The following PEX1 variants were observed in gnomAD, a reference collection of about 807,000 sequenced individuals.
PEX1 encodes the protein peroxisomal biogenesis factor 1, also known as peroxisomal ATPase PEX1.
Under a neutral mutation model 152.5 loss-of-function variants are expected in PEX1, and 97 were observed. The ratio of observed to expected loss-of-function variants is 0.64; its 90% CI spans 0.54 to 0.75. PEX1 has a LOEUF of 0.75. PEX1 is among the 30% of genes least tolerant of loss of function. The pLI, the probability that PEX1 is intolerant of heterozygous loss-of-function variation, is 0.00. For synonymous variants in PEX1, 485 were observed against 531.6 expected (o/e 0.91, Z 1.21); for missense variants, 1,357 against 1,516.3 (o/e 0.89, Z 1.74).
At chr7:92,493,323 G>A in intron 19 of PEX1, 194 bp from the exon 20 acceptor site, 1 of 393,202 alleles carries the variant, frequency 2.5e-6, no homozygotes, top group Non-Finnish European at 4.4e-6. Flanking sequence ...AATATATATA[G>A]GAAAATGAAT....
chr7:92,488,403 G>A (rs1178091459), intron 23 of PEX1, among the ~76,000 whole-genome samples: 2 of 152,058 alleles, frequency 1.3e-5, no homozygotes. Context: ...GATAACAAAA[G>A]GTAGCAGCTT....
intron 20 of PEX1, 141 bp downstream of exon 20, chr7:92,492,812 A>G: frequency 1.4e-6 from 1 of 719,702 alleles, no homozygotes; most frequent in South Asian, 1.6e-5. Flanking sequence ...ACTATGGAAC[A>G]TTCAACTAAA....
Position 92,489,260 on chromosome 7 carries a change from A to G in PEX1, c.3767+33T>C, listed in dbSNP as rs375966274. On this transcript the variant is annotated intron_variant, in intron 23 of 23. Coordinates refer to ENST00000248633, the MANE Select transcript of PEX1 (RefSeq NM_000466.3). ...GTAATACTATGTCACTTGTAATAGT[A>G]GCTGTACTTCCAAAACAGAATCTGT... is the stretch of plus-strand genomic sequence containing the variant. 402 of 1,588,148 alleles carry G rather than the reference A, an allele frequency of 2.5e-4. 2 individuals are homozygous for G. The African/African-American group carries it at 4.7e-3, about 19-fold the overall frequency.
At chr7:92,528,285 T>G in intron 1 of PEX1, 22 bp downstream of exon 1, 1 of 1,549,480 alleles carries the variant, frequency 6.5e-7, no homozygotes, top group Non-Finnish European at 8.7e-7. Context: ...GAAGATCAGG[T>G]GGCTCGGGGC....
At chr7:92,504,925 G>T (rs1254240845) in intron 11 of PEX1, 23 bp from the exon 12 acceptor site, 9 of 1,574,466 alleles carry the variant, frequency 5.7e-6, no homozygotes, top group South Asian at 1.1e-5. Context: ...GATATGAAAT[G>T]GTTTCAGTAT....
intron 5 of PEX1, among the ~76,000 whole-genome samples, chr7:92,516,140 G>A (rs372230087): frequency 6.6e-6 from 1 of 151,266 alleles, no homozygotes; most frequent in African/African-American, 2.4e-5. Context: ...AAATGATGTA[G>A]GCCGGCCAGG....
chr7:92,489,555 C>T, intron 22 of PEX1, 132 bp from the exon 23 acceptor site: 1 of 1,043,752 alleles, frequency 9.6e-7, no homozygotes, highest in Non-Finnish European at 1.5e-6. Flanking sequence ...GATAATGAAA[C>T]ATTGAAAGCA....
intron 2 of PEX1, 124 bp downstream of exon 2, chr7:92,521,978 C>T: frequency 1.1e-6 from 1 of 917,694 alleles, no homozygotes; most frequent in South Asian, 1.4e-5. Context: ...AGACTAGTTA[C>T]ATAATAGCAT....
Position 92,487,427 on chromosome 7 carries a change from T to A in PEX1, c.*30A>T. ...CATATGGAAAAGCCATCAAAAAACT[T>A]AACAGAACCAAATCAAAAAGAAGTA... On this transcript the variant is annotated 3_prime_UTR_variant, in exon 24 of 24. Coordinates refer to ENST00000248633, the MANE Select transcript of PEX1 (RefSeq NM_000466.3). 1 of 1,250,744 alleles carries A rather than the reference T, an allele frequency of 8.0e-7. No homozygotes were observed. The allele number at this position is 1,250,744 out of a possible 1,614,324, so 77.5% of individuals were successfully genotyped here.
At position 92,504,897 on chromosome 7, in the gene PEX1, T is replaced by C; in HGVS notation, c.1906A>G (p.Arg636Gly). The change falls in exon 12 of 24, where the codon AGG becomes GGG. Residue 636 changes from arginine to glycine, a missense_variant. By Grantham distance (125) the Arg-to-Gly change is moderately radical (BLOSUM62 -2). Transcript: ENST00000248633. ...AGGGTTTTTTGTATGTTTTCAAGCC[T>C]TTTTCCTTAATACAGAAGATATGAA... ...RVDCKALRGK[R>G]LENIQKTLEV... is the part of the protein sequence containing the mutation. The C allele has an allele frequency of 6.2e-7, 1 of 1,607,458 alleles. No individual in the cohort carries two copies. The highest frequency in any genetic ancestry group is 1.7e-5 in the Admixed American group (1 of 60,008).
chr7:92,522,170 G>C lies in PEX1; in HGVS notation c.205C>G (p.Gln69Glu), dbSNP rs1469341456. 6.2e-7 allele frequency: 1 copy of C among 1,614,032 alleles called. No homozygotes were observed. ...TTAATTTCAGCCACATTTTCACCTTGATCACTAAAATGCCTGCCTTCCACC... is the reference window on the plus strand; with the variant it reads ...TTAATTTCAGCCACATTTTCACCTTCATCACTAAAATGCCTGCCTTCCACC... ...SWVEGRHFSD[Q>E]GENVAEINRQ... is the part of the protein sequence containing the mutation. Residue 69 changes from glutamine (Q) to glutamate (E), a missense_variant, in exon 2 of 24, where the codon CAA becomes GAA. Transcript: ENST00000248633.
At chr7:92,526,235 T>C (rs766468602) in intron 1 of PEX1, among the ~76,000 whole-genome samples, 3 of 152,222 alleles carry the variant, frequency 2.0e-5, no homozygotes, top group Non-Finnish European at 4.4e-5. Context: ...AATAAATTTT[T>C]TAAAATTAGA....
intron 8 of PEX1, among the ~76,000 whole-genome samples, 159 bp from the exon 9 acceptor site, chr7:92,509,570 C>T (rs1792358646): frequency 6.6e-6 from 1 of 152,052 alleles, no homozygotes. Flanking sequence ...TAACAATGTA[C>T]CCATCCAGGG....
At position 92,528,356 on chromosome 7, in the gene PEX1, C is replaced by A; in HGVS notation, c.80G>T (p.Cys27Phe). 1 of 1,581,248 alleles carries A rather than the reference C, an allele frequency of 6.3e-7. No homozygotes were observed. Residue 27 changes from cysteine (C) to phenylalanine (F), a missense_variant, in exon 1 of 24, where the codon TGC becomes TTC. Transcript: ENST00000248633. ...VTVAFTNARD[C>F]FLHLPRRLVA... is the part of the protein sequence containing the mutation. ...GAGACGCCGCGGCAGGTGGAGGAAG[C>A]AGTCGCGAGCGTTGGTGAAGGCCAC...
chr7:92,518,375 C>T (rs1792902729), intron 3 of PEX1, 120 bp from the exon 4 acceptor site: 15 of 701,640 alleles, frequency 2.1e-5, no homozygotes, highest in Non-Finnish European at 3.4e-5. Flanking sequence ...TTAATATACA[C>T]GACATGGTGT....
chr7:92,493,281 A>G, intron 19 of PEX1, 152 bp from the exon 20 acceptor site: 1 of 488,482 alleles, frequency 2.0e-6, no homozygotes, highest in Non-Finnish European at 3.5e-6. Flanking sequence ...CCTACTATTT[A>G]TCTTCCTTGG....
intron 17 of PEX1, among the ~76,000 whole-genome samples, chr7:92,496,093 A>T (rs551101646): frequency 1.3e-5 from 2 of 152,106 alleles, no homozygotes; most frequent in Non-Finnish European, 2.9e-5. Flanking sequence ...TGGTGAATAC[A>T]TGAAGTATTC....
chr7:92,527,933 C>A (rs1341525922), intron 1 of PEX1, among the ~76,000 whole-genome samples: 1 of 152,272 alleles, frequency 6.6e-6, no homozygotes, highest in Non-Finnish European at 1.5e-5. Flanking sequence ...TCTCGCGGCC[C>A]GGACGGCAGC....
intron 2 of PEX1, 31 bp from the exon 3 acceptor site, chr7:92,519,109 T>A: frequency 7.9e-7 from 1 of 1,266,224 alleles, no homozygotes; most frequent in Admixed American, 1.7e-5. Context: ...AAAACTACTT[T>A]AAAAAAACTT....
Sources: allele counts gnomAD v4.1 joint callset (sites outside exome capture counted in the v4.1 genomes callset), GRCh38; gene constraint gnomAD v4.1.1; transcripts MANE v1.5; gene names NCBI Gene and HGNC (gene_info 2026-07-23, HGNC 2026-07-21).